The following DMTF1 variants were observed in gnomAD, a reference collection of about 807,000 sequenced individuals.
DMTF1 encodes the protein cyclin-D-binding Myb-like transcription factor 1.
Under a neutral mutation model 91.1 loss-of-function variants are expected in DMTF1, and 39 were observed. That is an observed-to-expected ratio of 0.43 (90% CI 0.33 to 0.56). DMTF1 has a LOEUF of 0.56. Ranked by LOEUF, DMTF1 falls within the 20% of genes least tolerant of loss-of-function variation. The probability of loss-of-function intolerance (pLI) is 0.05; values close to 1 mark genes in which losing one functional copy is unlikely to be tolerated. For synonymous variants in DMTF1, 338 were observed against 309.5 expected, an observed-to-expected ratio of 1.09 and a Z score of -0.97; for missense variants, 750 against 914.5, an observed-to-expected ratio of 0.82 and a Z score of 2.32.
Position 87,165,039 on chromosome 7 carries a change from G to T in DMTF1, c.98G>T (p.Cys33Phe). 6.2e-7 allele frequency: 1 copy of T among 1,605,140 alleles called. No individual in the cohort carries two copies. Among genetic ancestry groups the T allele is most frequent in the Non-Finnish European group, 8.5e-7 (1 of 1,173,808 alleles). Reference sequence around the variant, plus strand: ...ACAGAAGGGAATCTCATTCTTCACTGCCCTCAGAATGGTAGGAGAACTTGC... The same window carrying T: ...ACAGAAGGGAATCTCATTCTTCACTTCCCTCAGAATGGTAGGAGAACTTGC... ...QDTEGNLILH[C>F]PQNEADEIDS... The change falls in exon 3 of 18, where the codon TGC (cysteine) becomes TTC (phenylalanine). Residue 33 changes from cysteine (C) to phenylalanine (F), a missense_variant. Around this residue, in one of 3 missense-constraint regions of DMTF1, gnomAD observed 150 missense variants for 150.4 expected, o/e 1.00. Coordinates refer to ENST00000331242, the MANE Select transcript of DMTF1 (RefSeq NM_001142327.2).
In DMTF1 at chr7:87,194,224, A is replaced by G. The variant is rs770511092; in HGVS notation, c.2028+122A>G. Reference sequence around the variant, plus strand: ...TCAAACCCCCAACCTCACACCTCACAAAGTGTTGTCACTGGCAGAAATGGG... The same window carrying G: ...TCAAACCCCCAACCTCACACCTCACGAAGTGTTGTCACTGGCAGAAATGGG... On this transcript the variant is annotated intron_variant, in intron 16 of 17. Transcript: ENST00000331242. The G allele has an allele frequency of 1.1e-4, 119 of 1,119,182 alleles. 2 individuals carry two copies. The South Asian group carries it at 1.3e-3, about 12-fold the overall frequency. The allele number at this position is 1,119,182 out of a possible 1,614,324, so 69.3% of individuals were successfully genotyped here.
At position 87,174,608 on chromosome 7, in the gene DMTF1, A is replaced by G; in HGVS notation, c.458A>G (p.Gln153Arg). Residue 153 changes from glutamine (Q) to arginine (R), a missense_variant, in exon 7 of 18, where the codon CAG (glutamine) becomes CGG (arginine). Gln to Arg is a conservative substitution (Grantham distance 43). Coordinates refer to ENST00000331242, the MANE Select transcript of DMTF1 (RefSeq NM_001142327.2). ...TCTTTTAAAGGACATAAATGGAAGC[A>G]GGGGATGTGGTCCAAGGAAGAAATT... ...SLTNKGHKWK[Q>R]GMWSKEEIDI... The G allele has an allele frequency of 1.2e-6, 2 of 1,609,404 alleles. No homozygotes were observed. The highest frequency in any genetic ancestry group is 1.7e-6 in the Non-Finnish European group (2 of 1,176,802).
At chr7:87,187,794 C>T (rs555563942) in intron 12 of DMTF1, 24 of 360,210 alleles carry the variant, frequency 6.7e-5, no homozygotes, top group African/African-American at 4.6e-4. Flanking sequence ...CCTATCAAGA[C>T]ACCCTAGAAT....
intron 10 of DMTF1, 24 bp from the exon 11 acceptor site, chr7:87,184,373 G>A (rs1181491227): frequency 1.2e-6 from 2 of 1,604,878 alleles, no homozygotes; most frequent in Non-Finnish European, 1.7e-6. Context: ...AGCAGTGGTA[G>A]TCTGGATGAT....
chr7:87,159,516 G>T (rs1468405837), intron 1 of DMTF1, among the ~76,000 whole-genome samples: 2 of 152,014 alleles, frequency 1.3e-5, no homozygotes, highest in African/African-American at 4.8e-5. Flanking sequence ...TTTCTTTAAC[G>T]TGCTAAGGTA....
At chr7:87,162,661 A>G (rs1240200997) in intron 1 of DMTF1, 2 of 152,206 alleles carry the variant, frequency 1.3e-5, no homozygotes, top group Admixed American at 6.5e-5. Flanking sequence ...TCAGAATGAT[A>G]ACAACATGAA....
intron 3 of DMTF1, among the ~76,000 whole-genome samples, chr7:87,166,122 A>T (rs71562743): frequency 1.3e-5 from 2 of 152,204 alleles, no homozygotes; most frequent in African/African-American, 4.8e-5. Flanking sequence ...GCCGCATTTC[A>T]TATACCTGTG....
In DMTF1 at chr7:87,194,781, CTGA is replaced by C; in HGVS notation, c.2129_2131del (p.Asp710del). On this transcript the variant is annotated inframe_deletion, in exon 17 of 18. Transcript: ENST00000331242. ...TCACCACATGGCTTTATCCAGGCAT[CTGA>C]TGTTATAGATACTGAATCTGTCTTG... is the stretch of plus-strand genomic sequence containing the variant. The C allele has an allele frequency of 6.2e-7, 1 of 1,612,074 alleles. No individual in the cohort carries two copies. The highest frequency in any genetic ancestry group is 1.3e-5 in the African/African-American group (1 of 74,878).
chr7:87,154,004 C>T (rs886386051), intron 1 of DMTF1, among the ~76,000 whole-genome samples: 3 of 152,042 alleles, frequency 2.0e-5, no homozygotes, highest in Admixed American at 1.3e-4. Context: ...GAATAATTTG[C>T]CATCACTTTA....
At chr7:87,177,306 T>A (rs1796465548) in intron 7 of DMTF1, among the ~76,000 whole-genome samples, 2 of 152,142 alleles carry the variant, frequency 1.3e-5, no homozygotes, top group African/African-American at 4.8e-5. Flanking sequence ...TTTTTAGTTT[T>A]TTATTATTCA....
intron 2 of DMTF1, among the ~76,000 whole-genome samples, 194 bp downstream of exon 2, chr7:87,163,811 T>G (rs539556677): frequency 1.3e-5 from 2 of 152,308 alleles, no homozygotes; most frequent in African/African-American, 4.8e-5. Flanking sequence ...TGTTAATATA[T>G]TTAAGTTTTT....
At chr7:87,190,863 T>C (rs1799595928) in intron 13 of DMTF1, 82 bp from the exon 14 acceptor site, 2 of 1,154,472 alleles carry the variant, frequency 1.7e-6, no homozygotes, top group Admixed American at 4.7e-5. Context: ...TTTATGATAA[T>C]TGAGTACACT....
chr7:87,166,906 T>C (rs1793956040), intron 4 of DMTF1, among the ~76,000 whole-genome samples: 1 of 152,102 alleles, frequency 6.6e-6, no homozygotes, highest in African/African-American at 2.4e-5. Flanking sequence ...TCCTCAAAAA[T>C]AGCTTGTATT....
chr7:87,191,188 T>C (rs544932318), intron 14 of DMTF1, among the ~76,000 whole-genome samples, 161 bp downstream of exon 14: 19 of 152,246 alleles, frequency 1.2e-4, no homozygotes. Context: ...AGCTTTTCTC[T>C]CATCTGTATA....
intron 7 of DMTF1, 39 bp downstream of exon 7, chr7:87,174,708 T>A (rs1795856189): frequency 6.9e-7 from 1 of 1,445,308 alleles, no homozygotes; most frequent in Non-Finnish European, 9.7e-7. Flanking sequence ...CCAATTTGTT[T>A]ATTGCCAATT....
rs1343389401 is a variant in DMTF1, at chr7:87,190,802, A to G, written c.1412-143A>G. ...CATTAGATTCCTTATCTCTCTTAAG[A>G]AATGTAAATGACTTCAGGTCTCCAG... is the stretch of plus-strand genomic sequence containing the variant. On this transcript the variant is annotated intron_variant, in intron 13 of 17. Transcript: ENST00000331242. 5.0e-6 allele frequency: 3 copies of G among 602,356 alleles called. No individual in the cohort carries two copies. In the Admixed American group the frequency reaches 1.1e-4, roughly 21 times the overall value. The allele number at this position is 602,356 out of a possible 1,614,324, so 37.3% of individuals were successfully genotyped here.
chr7:87,191,075 T>A, intron 14 of DMTF1, 48 bp downstream of exon 14: 2 of 1,191,638 alleles, frequency 1.7e-6, no homozygotes, highest in Non-Finnish European at 2.4e-6. Flanking sequence ...ATGAGAAAGA[T>A]CAGTTGCTAT....
intron 3 of DMTF1, among the ~76,000 whole-genome samples, chr7:87,165,587 T>TA (rs1381027480): frequency 6.6e-6 from 1 of 152,236 alleles, no homozygotes; most frequent in East Asian, 1.9e-4. Context: ...ATTCATAGGT[T>TA]ATTTAATTCA....
chr7:87,161,817 AAAAT>A (rs1249315116), intron 1 of DMTF1, among the ~76,000 whole-genome samples: 1 of 152,228 alleles, frequency 6.6e-6, no homozygotes, highest in Non-Finnish European at 1.5e-5. Context: ...AAGTTTTTAA[AAAAT>A]AACTATTGGC....
Sources: gnomAD v4.1 joint callset for allele counts (sites outside exome capture counted in the v4.1 genomes callset) on GRCh38, gnomAD v4.1.1 for gene constraint, gnomAD v4.1.1 regional missense constraint, MANE v1.5 for transcripts, NCBI Gene and HGNC (gene_info 2026-07-23, HGNC 2026-07-21) for gene names.